The following TMEM248 variants were observed in gnomAD, a reference collection of about 807,000 sequenced individuals.
TMEM248 encodes UPF0458 protein C7orf42.
Under a neutral mutation model 30.3 loss-of-function variants are expected in TMEM248, and 9 were observed. That is an observed-to-expected ratio of 0.30 (90% CI 0.18 to 0.52). The LOEUF (loss-of-function observed/expected upper bound fraction) is 0.52. TMEM248 is among the 20% of genes least tolerant of loss of function. TMEM248 has a pLI of 0.97. For missense variants in TMEM248, 338 were observed against 403.3 expected (o/e 0.84, Z 1.39); for synonymous variants, 184 against 154.4 (o/e 1.19, Z -1.42).
At chr7:66,924,824 C>G (rs1791482276) in intron 1 of TMEM248, among the ~76,000 whole-genome samples, 1 of 152,106 alleles carries the variant, frequency 6.6e-6, no homozygotes, top group Non-Finnish European at 1.5e-5. Context: ...ATTCTTCTGG[C>G]TCAGCCTCCC....
chr7:66,953,385 G>C lies in TMEM248; in HGVS notation c.924+16G>C, dbSNP rs374777244. The C allele has an allele frequency of 5.0e-6, 8 of 1,611,998 alleles. No homozygotes were observed. The African/African-American group carries it at 8.0e-5, about 16-fold the overall frequency. On this transcript the variant is annotated intron_variant, in intron 6 of 6. Coordinates refer to ENST00000341567, the MANE Select transcript of TMEM248 (RefSeq NM_017994.5). Reference sequence around the variant, plus strand: ...TCCCGAGAAGGTGAGCGGTGGATGGGGTCCGGGCCAGCATTTTACTAGAGG... The same window carrying C: ...TCCCGAGAAGGTGAGCGGTGGATGGCGTCCGGGCCAGCATTTTACTAGAGG...
chr7:66,956,513 C>T lies in TMEM248; in HGVS notation c.*991C>T, dbSNP rs1490295139. ...TTTTTAAAGAGTGGGTGGATTTTCT[C>T]CCTTTTGTTTTGCTTTTATTTTCAT... is the stretch of plus-strand genomic sequence containing the variant. On this transcript the variant is annotated 3_prime_UTR_variant, in exon 7 of 7. Coordinates refer to ENST00000341567, the MANE Select transcript of TMEM248 (RefSeq NM_017994.5). 4 of 152,024 alleles carry T rather than the reference C, an allele frequency of 2.6e-5. No individual in the cohort carries two copies. The highest frequency in any genetic ancestry group is 4.4e-5 in the Non-Finnish European group (3 of 68,008). 9.4% of individuals were successfully genotyped at this position (152,024 alleles called of 1,614,324 possible). A position where few individuals can be genotyped will look rare whatever the true frequency, so the allele number is the denominator to read the frequency against.
chr7:66,948,410 C>T (rs1792172538), intron 3 of TMEM248, 134 bp from the exon 4 acceptor site: 1 of 1,082,872 alleles, frequency 9.2e-7, no homozygotes, highest in African/African-American at 1.6e-5. Flanking sequence ...TCTTCTTCCT[C>T]AGATCCCACA....
At chr7:66,954,460 A>G (rs563618705) in intron 6 of TMEM248, among the ~76,000 whole-genome samples, 3 of 144,444 alleles carry the variant, frequency 2.1e-5, no homozygotes, top group East Asian at 2.0e-4. Context: ...ATCGTAGCTC[A>G]TGACTCAATC....
At chr7:66,922,370 C>T (rs1791408761) in intron 1 of TMEM248, 3 of 152,156 alleles carry the variant, frequency 2.0e-5, no homozygotes, top group South Asian at 2.1e-4. Context: ...ATGTGTATCT[C>T]ATTTGTAGAT....
chr7:66,944,265 C>T (rs1792038941), intron 2 of TMEM248, among the ~76,000 whole-genome samples: 1 of 151,798 alleles, frequency 6.6e-6, no homozygotes, highest in Non-Finnish European at 1.5e-5. Context: ...CCACCACACC[C>T]GGCTAATTAT....
At chr7:66,949,580 A>G (rs1196972660) in intron 4 of TMEM248, among the ~76,000 whole-genome samples, 1 of 138,672 alleles carries the variant, frequency 7.2e-6, no homozygotes, top group African/African-American at 2.7e-5. Context: ...TTTTAAATCA[A>G]GTATAAATCA....
chr7:66,926,960 T>A (rs1485852732), intron 1 of TMEM248, among the ~76,000 whole-genome samples: 1 of 152,174 alleles, frequency 6.6e-6, no homozygotes, highest in African/African-American at 2.4e-5. Context: ...CATGTCCCAG[T>A]CTTACACACT....
intron 1 of TMEM248, among the ~76,000 whole-genome samples, chr7:66,933,226 C>T (rs942175098): frequency 1.3e-5 from 2 of 152,092 alleles, no homozygotes; most frequent in African/African-American, 4.8e-5. Context: ...AGTGCAGTGG[C>T]GTAATCAATC....
chr7:66,922,454 AATAG>A (rs1791410767), intron 1 of TMEM248, among the ~76,000 whole-genome samples: 2 of 152,106 alleles, frequency 1.3e-5, no homozygotes, highest in Admixed American at 6.6e-5. Flanking sequence ...TCTGACAGGA[AATAG>A]ACCTGTCGCG....
intron 2 of TMEM248, among the ~76,000 whole-genome samples, chr7:66,943,679 G>A (rs901314587): frequency 6.6e-6 from 1 of 151,720 alleles, no homozygotes; most frequent in Non-Finnish European, 1.5e-5. Flanking sequence ...GAGTTTGTAG[G>A]TGTTAGGGAA....
rs1792443777 is a variant in TMEM248, at chr7:66,958,065, TGCTCAG to T, written c.*2544_*2549del. 6.5e-6 allele frequency: 1 copy of T among 152,698 alleles called. No individual in the cohort carries two copies. Among genetic ancestry groups the T allele is most frequent in the Non-Finnish European group, 1.5e-5 (1 of 68,116 alleles). 9.5% of individuals were successfully genotyped at this position (152,698 alleles called of 1,614,324 possible). On this transcript the variant is annotated 3_prime_UTR_variant, in exon 7 of 7. Coordinates refer to ENST00000341567, the MANE Select transcript of TMEM248 (RefSeq NM_017994.5). ...CCATCTGGGCACTTCCCAGGCTCAA[TGCTCAG>T]CCAGAGTTTGCTGGTGGACCTCAGG... is the stretch of plus-strand genomic sequence containing the variant.
At chr7:66,951,189 T>C (rs1305654473) in intron 5 of TMEM248, 54 bp downstream of exon 5, 1 of 1,459,094 alleles carries the variant, frequency 6.9e-7, no homozygotes. Context: ...TGCACATGTG[T>C]GCGCATGTGC....
In TMEM248 at chr7:66,951,049, G is replaced by A; in HGVS notation, c.694G>A (p.Asp232Asn). Residue 232 changes from aspartate (D) to asparagine (N), a missense_variant, in exon 5 of 7, where the codon GAT becomes AAT. Physicochemically the swap from Asp to Asn is conservative, Grantham distance 23. Transcript: ENST00000341567. ...ARDANTKYAQ[D>N]YNPFWCYKGA... is the part of the protein sequence containing the mutation. The stretch of plus-strand genomic sequence containing the variant: ...AGATGCCAACACAAAATACGCCCAA[G>A]ATTACAATCCTTTCTGGTGTTATAA... 2 of 1,613,236 alleles carry A rather than the reference G, an allele frequency of 1.2e-6. No homozygotes were observed. The highest frequency in any genetic ancestry group is 1.7e-6 in the Non-Finnish European group (2 of 1,179,802).
chr7:66,934,363 G>C (rs1241626008), intron 1 of TMEM248, among the ~76,000 whole-genome samples: 1 of 152,110 alleles, frequency 6.6e-6, no homozygotes, highest in Non-Finnish European at 1.5e-5. Flanking sequence ...GCCATGCCCA[G>C]CTAATTTTTG....
At chr7:66,937,137 C>T (rs1271445180) in intron 1 of TMEM248, among the ~76,000 whole-genome samples, 1 of 152,094 alleles carries the variant, frequency 6.6e-6, no homozygotes, top group East Asian at 1.9e-4. Flanking sequence ...TGTTTCAAGA[C>T]ACTTTTTAAT....
At position 66,941,993 on chromosome 7, in the gene TMEM248, T is replaced by C; in HGVS notation, c.128T>C (p.Ile43Thr). Reference sequence around the variant, plus strand: ...CTGACCCTGGGCTACTTCTTCAAAATCAAGGAGATTAAATCCCCAGAAATG... The same window carrying C: ...CTGACCCTGGGCTACTTCTTCAAAACCAAGGAGATTAAATCCCCAGAAATG... ...AFLTLGYFFK[I>T]KEIKSPEMAE... Residue 43 changes from isoleucine to threonine, a missense_variant, in exon 2 of 7, where the codon ATC (isoleucine) becomes ACC (threonine). Transcript: ENST00000341567. The C allele has an allele frequency of 6.2e-7, 1 of 1,614,166 alleles. No homozygotes were observed. The highest frequency in any genetic ancestry group is 8.5e-7 in the Non-Finnish European group (1 of 1,180,018).
At chr7:66,938,705 A>T (rs969215938) in intron 1 of TMEM248, among the ~76,000 whole-genome samples, 4 of 152,028 alleles carry the variant, frequency 2.6e-5, no homozygotes, top group Non-Finnish European at 5.9e-5. Context: ...ACGGGGTTTC[A>T]CCATATTGGC....
intron 4 of TMEM248, among the ~76,000 whole-genome samples, chr7:66,949,030 G>A (rs529727375): frequency 2.0e-5 from 3 of 152,064 alleles, no homozygotes; most frequent in East Asian, 1.9e-4. Flanking sequence ...GCCGGGTGCC[G>A]TGGCTCAGGC....
Sources: allele counts gnomAD v4.1 joint callset (sites outside exome capture counted in the v4.1 genomes callset), GRCh38; gene constraint gnomAD v4.1.1; transcripts MANE v1.5; gene names NCBI Gene and HGNC (gene_info 2026-07-23, HGNC 2026-07-21).